ENOX1: variants seen among roughly 807,000 people sequenced by gnomAD.
ENOX1 encodes ecto-NOX disulfide-thiol exchanger 1.
A neutral mutation model predicts 82.5 loss-of-function variants in ENOX1; 42 were observed. That is an observed-to-expected ratio of 0.51 (90% CI 0.40 to 0.66). The LOEUF (loss-of-function observed/expected upper bound fraction) is 0.66, where lower values mean the gene tolerates loss of function less well. Ranked by LOEUF, ENOX1 falls within the 30% of genes least tolerant of loss-of-function variation. The pLI is 0.00. For missense variants in ENOX1, 608 were observed against 811.6 expected (o/e 0.75, Z 3.05); for synonymous variants, 271 against 282.2 (o/e 0.96, Z 0.40).
chr13:43,356,207 G>T, intron 7 of ENOX1, 55 bp from the exon 8 acceptor site: 10 of 1,533,308 alleles, frequency 6.5e-6, no homozygotes, highest in South Asian at 1.2e-5. Flanking sequence ...CCACAGTTTT[G>T]GTCCAGACCT....
intron 1 of ENOX1, among the ~76,000 whole-genome samples, chr13:43,669,101 G>C (rs2085130979): frequency 6.6e-6 from 1 of 152,204 alleles, no homozygotes; most frequent in South Asian, 2.1e-4. Flanking sequence ...CAAGGGGGCA[G>C]GAATAGCAGA....
At chr13:43,758,228 T>A (rs532780432) in intron 1 of ENOX1, among the ~76,000 whole-genome samples, 2 of 151,096 alleles carry the variant, frequency 1.3e-5, no homozygotes, top group African/African-American at 4.9e-5. Flanking sequence ...AGAGTGAGAC[T>A]CCTCTCAAAA....
At chr13:43,714,276 A>G (rs2087948998) in intron 1 of ENOX1, among the ~76,000 whole-genome samples, 1 of 152,002 alleles carries the variant, frequency 6.6e-6, no homozygotes, top group African/African-American at 2.4e-5. Context: ...GTGGTCTGAG[A>G]GATAGTTTGT....
chr13:43,677,037 T>A (rs368962959), intron 1 of ENOX1, among the ~76,000 whole-genome samples: 1 of 152,020 alleles, frequency 6.6e-6, no homozygotes, highest in Admixed American at 6.6e-5. Flanking sequence ...ACCAAGACCC[T>A]TCAACAAGGC....
chr13:43,700,669 A>G (rs980196530), intron 1 of ENOX1, among the ~76,000 whole-genome samples: 2 of 152,150 alleles, frequency 1.3e-5, no homozygotes, highest in Non-Finnish European at 2.9e-5. Context: ...ATCCCTAAAT[A>G]TCAAACGCCC....
chr13:43,375,261 G>A (rs553250306), intron 5 of ENOX1, among the ~76,000 whole-genome samples: 45 of 151,966 alleles, frequency 3.0e-4, no homozygotes, highest in Non-Finnish European at 4.1e-4. Context: ...AGAACGGGGC[G>A]GGGGGTGAGT....
At chr13:43,712,353 C>T (rs879461284) in intron 1 of ENOX1, among the ~76,000 whole-genome samples, 113 of 151,786 alleles carry the variant, frequency 7.4e-4, no homozygotes, top group Non-Finnish European at 1.5e-3. Context: ...AGTCAGGTAG[C>T]ATGATGCCTC....
chr13:43,659,173 T>C (rs1267518737), intron 2 of ENOX1, among the ~76,000 whole-genome samples: 2 of 152,124 alleles, frequency 1.3e-5, no homozygotes, highest in African/African-American at 4.8e-5. Flanking sequence ...TGTCTGGAGA[T>C]ACTGATGATT....
intron 3 of ENOX1, among the ~76,000 whole-genome samples, chr13:43,478,128 A>G (rs527357224): frequency 1.4e-5 from 2 of 144,056 alleles, no homozygotes; most frequent in African/African-American, 2.6e-5. Context: ...TTTCACTAGT[A>G]AGGCAAGAGT....
At position 43,763,110 on chromosome 13, in the gene ENOX1, A is replaced by G. The variant is rs1951077062; in HGVS notation, c.-285+23542T>C. 3.9e-5 allele frequency among the ~76,000 whole-genome samples: 6 copies of G among 152,354 alleles called. No individual in the cohort carries two copies. In the South Asian group the frequency reaches 1.2e-3, roughly 32 times the overall value. Reference sequence around the variant, plus strand: ...TCTTACTTTTCATCCGAGGGAAGTTAGGCTTAAAATGTTTCAGGCAATTAC... The same window carrying G: ...TCTTACTTTTCATCCGAGGGAAGTTGGGCTTAAAATGTTTCAGGCAATTAC... On this transcript the variant is annotated intron_variant, in intron 1 of 16. Transcript: ENST00000690772.
At chr13:43,286,827 C>T (rs184197566) in intron 12 of ENOX1, among the ~76,000 whole-genome samples, 1 of 152,164 alleles carries the variant, frequency 6.6e-6, no homozygotes, top group Non-Finnish European at 1.5e-5. Context: ...TCTTGCTCTG[C>T]TAATGCAAAG....
At chr13:43,382,010 C>T (rs1190849954) in intron 5 of ENOX1, among the ~76,000 whole-genome samples, 3 of 151,952 alleles carry the variant, frequency 2.0e-5, no homozygotes, top group Non-Finnish European at 4.4e-5. Context: ...TTCCAATTTG[C>T]TTTATGATTC....
intron 2 of ENOX1, among the ~76,000 whole-genome samples, chr13:43,495,617 A>G (rs909067074): frequency 2.1e-5 from 3 of 143,926 alleles, no homozygotes; most frequent in African/African-American, 7.5e-5. Flanking sequence ...TTGATCCAGT[A>G]TTTGGCTATT....
intron 1 of ENOX1, among the ~76,000 whole-genome samples, chr13:43,705,306 C>CTT (rs1491206690): frequency 1.8e-4 from 11 of 60,492 alleles, no homozygotes; most frequent in Non-Finnish European, 3.3e-4. Flanking sequence ...CAAACAACAA[C>CTT]TCTCTCTCTC....
At chr13:43,729,208 G>A (rs1372577454) in intron 1 of ENOX1, among the ~76,000 whole-genome samples, 1 of 152,060 alleles carries the variant, frequency 6.6e-6, no homozygotes, top group Non-Finnish European at 1.5e-5. Flanking sequence ...ATGTACTCTG[G>A]ATGTAATTAT....
chr13:43,308,736 G>C (rs748559666), intron 11 of ENOX1, among the ~76,000 whole-genome samples: 5 of 152,200 alleles, frequency 3.3e-5, no homozygotes, highest in Admixed American at 6.5e-5. Context: ...TGTGTATAAA[G>C]TTTCCCAGGT....
rs553504525 is a variant in ENOX1, at chr13:43,541,173, GT to G, written c.-218-57022del. On this transcript the variant is annotated intron_variant, in intron 2 of 16. Transcript: ENST00000690772. ...CTCCAACCTTACACTTCTTCCCTCT[GT>G]TTTTTTTTTTTTTTTTTTTTTTTTG... Among the ~76,000 whole-genome samples the G allele has an allele frequency of 1.0e-2, 643 of 64,532 alleles. 2 individuals carry two copies. Among genetic ancestry groups the G allele is most frequent in the African/African-American group, 0.029 (584 of 20,082 alleles). 42.3% of individuals were successfully genotyped at this position (64,532 alleles called of 152,430 possible).
chr13:43,528,104 TG>T (rs1001852186), intron 2 of ENOX1, among the ~76,000 whole-genome samples: 17 of 152,162 alleles, frequency 1.1e-4, no homozygotes, highest in Admixed American at 1.0e-3. Flanking sequence ...TCTTTTCTGT[TG>T]ATCATATGAG....
chr13:43,754,041 T>C (rs953158013), intron 1 of ENOX1, among the ~76,000 whole-genome samples: 2 of 59,928 alleles, frequency 3.3e-5, no homozygotes, highest in African/African-American at 7.1e-5. Context: ...TATATGTATA[T>C]AAATACACAT....
Sources: gnomAD v4.1 joint callset for allele counts (sites outside exome capture counted in the v4.1 genomes callset) on GRCh38, gnomAD v4.1.1 for gene constraint, MANE v1.5 for transcripts, NCBI Gene and HGNC (gene_info 2026-07-23, HGNC 2026-07-21) for gene names.